TBCD: variants seen among roughly 807,000 people sequenced by gnomAD.
TBCD encodes tubulin folding cofactor D.
A neutral mutation model predicts 169.3 loss-of-function variants in TBCD; 105 were observed. The ratio of observed to expected loss-of-function variants is 0.62; its 90% CI spans 0.53 to 0.73. TBCD has a LOEUF of 0.73. Ranked by LOEUF, TBCD falls within the 30% of genes least tolerant of loss-of-function variation. The pLI is 0.00. For synonymous variants in TBCD, 700 were observed against 643.9 expected, an observed-to-expected ratio of 1.09 and a Z score of -1.32; for missense variants, 1,444 against 1,600.1, an observed-to-expected ratio of 0.90 and a Z score of 1.66.
chr17:82,870,394 T>C lies in TBCD; in HGVS notation c.1475+14T>C, dbSNP rs763785902. ...TGCAATCTCGAGGTAGGCCCATTCG[T>C]CGAGGTACATCGGATGCGCCGTGCC... On this transcript the variant is annotated intron_variant, in intron 14 of 38. Transcript: ENST00000355528. 5 of 1,609,248 alleles carry C rather than the reference T, an allele frequency of 3.1e-6. No homozygotes were observed. The highest frequency in any genetic ancestry group is 4.2e-6 in the Non-Finnish European group (5 of 1,177,302).
chr17:82,922,206 C>T lies in TBCD; in HGVS notation c.2178+629C>T, dbSNP rs1014041053. 6.6e-6 allele frequency among the ~76,000 whole-genome samples: 1 copy of T among 152,052 alleles called. No homozygotes were observed. Among genetic ancestry groups the T allele is most frequent in the Non-Finnish European group, 1.5e-5 (1 of 67,996 alleles). On this transcript the variant is annotated intron_variant, in intron 25 of 38. Coordinates refer to ENST00000355528, the MANE Select transcript of TBCD (RefSeq NM_005993.5). The surrounding 1 kb of genome is among the most constrained non-coding windows in gnomAD (Gnocchi z 4.1). Reference sequence around the variant, plus strand: ...TGAAACCCCATCTCTACTAAAAATACAAAAATTAGCGGGGCGAGGTGGCGC... The same window carrying T: ...TGAAACCCCATCTCTACTAAAAATATAAAAATTAGCGGGGCGAGGTGGCGC...
intron 13 of TBCD, among the ~76,000 whole-genome samples, chr17:82,836,088 CT>C (rs141669026): frequency 0.029 from 4,402 of 152,344 alleles, 235 homozygotes; most frequent in African/African-American, 0.099. Context: ...TAATTTCCCC[CT>C]ATTAGAAGAA....
chr17:82,937,258 G>T lies in TBCD; in HGVS notation c.3192-13G>T, dbSNP rs763199380. On this transcript the variant is annotated splice_polypyrimidine_tract_variant and intron_variant, in intron 34 of 38. Coordinates refer to ENST00000355528, the MANE Select transcript of TBCD (RefSeq NM_005993.5). ...GTGAAAGCTCATCTCTAAAGTGTGT[G>T]TTGTTCTTCCAGCCACCCCTTTGCT... 1 of 1,613,584 alleles carries T rather than the reference G, an allele frequency of 6.2e-7. No individual in the cohort carries two copies. The highest frequency in any genetic ancestry group is 1.7e-5 in the Admixed American group (1 of 60,026).
Position 82,880,941 on chromosome 17 carries a change from G to C in TBCD, c.1476-3204G>C, listed in dbSNP as rs574785181. Among the ~76,000 whole-genome samples, 8 of 152,296 alleles carry C rather than the reference G, an allele frequency of 5.3e-5. No individual in the cohort carries two copies. Among genetic ancestry groups the C allele is most frequent in the South Asian group, 2.1e-4 (1 of 4,828 alleles). On this transcript the variant is annotated intron_variant, in intron 14 of 38. Transcript: ENST00000355528. The surrounding 1 kb of genome is among the most constrained non-coding windows in gnomAD (Gnocchi z 5.0). ...CAGGCGGAACTCGGGGAAGGAGGCC[G>C]TGTACTCCCATAGCTCTGGGCTCTG...
intron 13 of TBCD, among the ~76,000 whole-genome samples, chr17:82,852,368 C>T (rs2055869065): frequency 6.6e-6 from 1 of 152,274 alleles, no homozygotes; most frequent in East Asian, 1.9e-4. Context: ...TTAGTCAGCT[C>T]AGGCTGTGGA....
chr17:82,848,687 T>C (rs972571410), intron 13 of TBCD, among the ~76,000 whole-genome samples: 1 of 152,162 alleles, frequency 6.6e-6, no homozygotes, highest in Admixed American at 6.5e-5. Context: ...TTTTTCATGC[T>C]ACAAAATAAC....
chr17:82,912,326 C>T (rs996462355), intron 23 of TBCD, among the ~76,000 whole-genome samples: 3 of 152,240 alleles, frequency 2.0e-5, no homozygotes, highest in African/African-American at 4.8e-5. Context: ...TGATACCCCC[C>T]GGGGGTTAGG....
Position 82,752,291 on chromosome 17 carries a change from G to A in TBCD, c.98G>A (p.Ser33Asn), listed in dbSNP as rs1336113939. The change falls in exon 1 of 39, where the codon AGC becomes AAC. Residue 33 changes from serine (S) to asparagine (N), a missense_variant. By Grantham distance (46) the Ser-to-Asn change is conservative (BLOSUM62 1). Transcript: ENST00000355528. ...FGAALEAFGESAETRALLGRL... is the reference protein window; with the variant it reads ...FGAALEAFGENAETRALLGRL... ...GCGGCGCTGGAAGCGTTCGGCGAGAGCGCGGAGACCCGGGCGCTGCTGGGC... is the reference window on the plus strand; with the variant it reads ...GCGGCGCTGGAAGCGTTCGGCGAGAACGCGGAGACCCGGGCGCTGCTGGGC... The A allele has an allele frequency of 2.0e-6, 3 of 1,511,994 alleles. No individual in the cohort carries two copies. Among genetic ancestry groups the A allele is most frequent in the Admixed American group, 2.1e-5 (1 of 48,324 alleles). The allele number at this position is 1,511,994 out of a possible 1,614,324, so 93.7% of individuals were successfully genotyped here.
At position 82,860,744 on chromosome 17, in the gene TBCD, C is replaced by T. The variant is rs1373396788; in HGVS notation, c.1319-9480C>T. Among the ~76,000 whole-genome samples the T allele has an allele frequency of 2.6e-5, 4 of 152,180 alleles. 1 individual carries two copies. The South Asian group carries it at 6.2e-4, about 24-fold the overall frequency. On this transcript the variant is annotated intron_variant, in intron 13 of 38. Transcript: ENST00000355528. Reference sequence around the variant, plus strand: ...TGGACGGGGTTCGGTTCCACCCCAGCGCCCTTGTCTTGTTTCATCGCCCGT... The same window carrying T: ...TGGACGGGGTTCGGTTCCACCCCAGTGCCCTTGTCTTGTTTCATCGCCCGT...
chr17:82,844,644 C>G (rs889295404), intron 13 of TBCD, among the ~76,000 whole-genome samples: 2 of 152,172 alleles, frequency 1.3e-5, no homozygotes, highest in African/African-American at 4.8e-5. Context: ...GCTGCCTTCC[C>G]TGCCCTTCCT....
At chr17:82,819,349 T>C (rs977010926) in intron 13 of TBCD, among the ~76,000 whole-genome samples, 1 of 152,202 alleles carries the variant, frequency 6.6e-6, no homozygotes, top group African/African-American at 2.4e-5. Context: ...TTCTTTGGGT[T>C]ACTTTTTAGG....
intron 7 of TBCD, 141 bp downstream of exon 7, chr17:82,781,862 CAGTTTCCTT>C: frequency 7.4e-7 from 1 of 1,357,166 alleles, no homozygotes; most frequent in Non-Finnish European, 9.9e-7. Flanking sequence ...GGGTCTTGGG[CAGTTTCCTT>C]TTCCCTCTGC....
intron 13 of TBCD, among the ~76,000 whole-genome samples, chr17:82,841,193 C>T (rs1323737620): frequency 2.6e-5 from 4 of 151,830 alleles, no homozygotes; most frequent in Non-Finnish European, 4.4e-5. Context: ...CCACCCACGT[C>T]GGCCTCCCAA....
rs577489645 is a variant in TBCD, at chr17:82,784,692, C to G, written c.771+2971C>G. 3.3e-5 allele frequency among the ~76,000 whole-genome samples: 5 copies of G among 152,266 alleles called. No individual in the cohort carries two copies. In the East Asian group the frequency reaches 9.7e-4, roughly 29 times the overall value. ...GTCCTGGGAATTCTGGTAGCTTCAC[C>G]TTAATGTTTGTGATGCTGGGTGTAC... On this transcript the variant is annotated intron_variant, in intron 7 of 38. Coordinates refer to ENST00000355528, the MANE Select transcript of TBCD (RefSeq NM_005993.5).
chr17:82,758,384 G>GAT (rs2047525577), intron 2 of TBCD, among the ~76,000 whole-genome samples: 1 of 25,000 alleles, frequency 4.0e-5, no homozygotes, highest in African/African-American at 9.9e-5. Flanking sequence ...AAACGTCTCG[G>GAT]AAAAAAAAAA....
intron 13 of TBCD, among the ~76,000 whole-genome samples, chr17:82,869,017 C>G (rs950444126): frequency 6.6e-6 from 1 of 152,118 alleles, no homozygotes; most frequent in Non-Finnish European, 1.5e-5. Flanking sequence ...GTGCAGAGCC[C>G]TGAATGAGGC....
intron 17 of TBCD, among the ~76,000 whole-genome samples, chr17:82,899,038 C>T (rs1218202823): frequency 2.0e-5 from 3 of 152,264 alleles, no homozygotes; most frequent in Non-Finnish European, 4.4e-5. Flanking sequence ...AGGTCGTATC[C>T]ATGGAACCAG....
In TBCD at chr17:82,829,175, G is replaced by A. The variant is rs542844102; in HGVS notation, c.1318+14241G>A. Among the ~76,000 whole-genome samples, 5 of 149,268 alleles carry A rather than the reference G, an allele frequency of 3.3e-5. No individual in the cohort carries two copies. The East Asian group carries it at 6.0e-4, about 18-fold the overall frequency. ...CACACACCCGCAGAGATGCACAAGC[G>A]CATACCCACACCCGCAGACGTGCAC... On this transcript the variant is annotated intron_variant, in intron 13 of 38. Coordinates refer to ENST00000355528, the MANE Select transcript of TBCD (RefSeq NM_005993.5).
Position 82,930,894 on chromosome 17 carries a change from A to T in TBCD, c.3113+251A>T, listed in dbSNP as rs530161654. 1.3e-5 allele frequency among the ~76,000 whole-genome samples: 2 copies of T among 152,338 alleles called. No individual in the cohort carries two copies. Among genetic ancestry groups the T allele is most frequent in the African/African-American group, 4.8e-5 (2 of 41,580 alleles). On this transcript the variant is annotated intron_variant, in intron 33 of 38. Coordinates refer to ENST00000355528, the MANE Select transcript of TBCD (RefSeq NM_005993.5). This position sits in a 1 kb window ranked among gnomAD's most constrained non-coding sequence, Gnocchi z 5.2. Reference sequence around the variant, plus strand: ...AGGCAGGGAAATGACCGTTGTGTGTACAATGGACGTAAAGGTAGTATGAGT... The same window carrying T: ...AGGCAGGGAAATGACCGTTGTGTGTTCAATGGACGTAAAGGTAGTATGAGT...
Sources: gnomAD v4.1 joint callset for allele counts (sites outside exome capture counted in the v4.1 genomes callset) on GRCh38, gnomAD v4.1.1 for gene constraint, Gnocchi (gnomAD v3.1) non-coding constraint, MANE v1.5 for transcripts, NCBI Gene and HGNC (gene_info 2026-07-23, HGNC 2026-07-21) for gene names.